ERBB4: variants seen among roughly 807,000 people sequenced by gnomAD.
ERBB4 encodes the protein erb-b2 receptor tyrosine kinase 4.
In ERBB4, 42 loss-of-function variants were observed where a neutral mutation model predicts 158.0. The observed-to-expected ratio is 0.27, with a 90% CI of 0.21 to 0.34. The LOEUF is 0.34. Among genes scored for constraint, ERBB4 ranks in the 10% least tolerant of loss-of-function variants. The pLI, the probability that ERBB4 is intolerant of heterozygous loss-of-function variation, is 1.00. For synonymous variants in ERBB4, 583 were observed against 558.7 expected (o/e 1.04, Z -0.61); for missense variants, 1,333 against 1,624.1 (o/e 0.82, Z 3.08).
intron 3 of ERBB4, among the ~76,000 whole-genome samples, chr2:211,804,437 G>T (rs943683405): frequency 6.6e-6 from 1 of 152,086 alleles, no homozygotes; most frequent in African/African-American, 2.4e-5. Flanking sequence ...TCTTCTACTT[G>T]TTCTTTGGAA....
chr2:211,406,477 A>G (rs2063150184), intron 25 of ERBB4, among the ~76,000 whole-genome samples: 2 of 152,216 alleles, frequency 1.3e-5, no homozygotes, highest in Non-Finnish European at 2.9e-5. Context: ...ATTAACATTT[A>G]TGAGGAATCT....
chr2:211,387,031 A>C lies in ERBB4; in HGVS notation c.3303T>G (p.Ile1101Met), dbSNP rs764593744. 6.2e-7 allele frequency: 1 copy of C among 1,614,046 alleles called. No individual in the cohort carries two copies. The highest frequency in any genetic ancestry group is 8.5e-7 in the Non-Finnish European group (1 of 1,179,992). ...TGCCATTACAGCAGGAGTCATCAAAAATCTCAGCAGTAGCACCCTGTGCCA... is the reference window on the plus strand; with the variant it reads ...TGCCATTACAGCAGGAGTCATCAAACATCTCAGCAGTAGCACCCTGTGCCA... ...APVAQGATAEIFDDSCCNGTL... is the reference protein window; with the variant it reads ...APVAQGATAEMFDDSCCNGTL... The change falls in exon 27 of 28, where the codon ATT becomes ATG. Residue 1101 changes from isoleucine to methionine, a missense_variant. Transcript: ENST00000342788.
intron 2 of ERBB4, among the ~76,000 whole-genome samples, chr2:212,015,041 AATATATATATATATATAT>A (rs58361195): frequency 1.1e-4 from 1 of 9,202 alleles, no homozygotes; most frequent in African/African-American, 2.2e-4. Flanking sequence ...AAAAAAAAAA[AATATATATATATATATAT>A]ATATATATAT....
intron 4 of ERBB4, among the ~76,000 whole-genome samples, chr2:211,754,992 C>T (rs1559489174): frequency 6.6e-6 from 1 of 152,098 alleles, no homozygotes; most frequent in Admixed American, 6.5e-5. Context: ...TGAGCCACTG[C>T]GCCCGGCCTG....
rs1170554581 is a variant in ERBB4 at position 212,399,567 on chromosome 2, TATATATATATATATATATTG to T, written c.82+138862_82+138881del. On this transcript the variant is annotated intron_variant, in intron 1 of 27. Coordinates refer to ENST00000342788, the MANE Select transcript of ERBB4 (RefSeq NM_005235.3). Reference sequence around the variant, plus strand: ...ATACATATATATATATATATATATATATATATATATATATATATTGGGCGTGGTGTCTTATGCCTGTAATC... The same window carrying T: ...ATACATATATATATATATATATATATGGCGTGGTGTCTTATGCCTGTAATC... 4.7e-3 allele frequency among the ~76,000 whole-genome samples: 126 copies of T among 26,758 alleles called. 4 individuals carry two copies. The highest frequency in any genetic ancestry group is 0.042 in the African/African-American group (119 of 2,860). The allele number at this position is 26,758 out of a possible 152,430, so 17.6% of individuals were successfully genotyped here. A position where few individuals can be genotyped will look rare whatever the true frequency, so the allele number is the denominator to read the frequency against.
intron 3 of ERBB4, among the ~76,000 whole-genome samples, chr2:211,871,507 T>TA (rs547311934): frequency 4.3e-3 from 606 of 139,734 alleles, no homozygotes; most frequent in Admixed American, 5.6e-3. Context: ...GCTTTGGCAT[T>TA]AAAAAAAAAA....
intron 16 of ERBB4, among the ~76,000 whole-genome samples, chr2:211,647,543 C>T (rs1408281786): frequency 6.6e-6 from 1 of 151,500 alleles, no homozygotes; most frequent in African/African-American, 2.4e-5. Context: ...TTAATGTTAC[C>T]CCCATCCATC....
chr2:212,429,506 C>T (rs1165945804), intron 1 of ERBB4, among the ~76,000 whole-genome samples: 1 of 152,116 alleles, frequency 6.6e-6, no homozygotes, highest in African/African-American at 2.4e-5. Flanking sequence ...AACTAAGAAT[C>T]CCCCTCTAAA....
At chr2:212,290,322 T>C (rs1483164172) in intron 1 of ERBB4, among the ~76,000 whole-genome samples, 3 of 152,170 alleles carry the variant, frequency 2.0e-5, no homozygotes, top group Non-Finnish European at 1.5e-5. Context: ...CGTGTACAGA[T>C]ATATATGTAT....
intron 2 of ERBB4, among the ~76,000 whole-genome samples, chr2:212,007,412 C>T (rs2076284325): frequency 2.0e-5 from 3 of 151,670 alleles, no homozygotes; most frequent in Non-Finnish European, 4.4e-5. Flanking sequence ...CTATATAATG[C>T]CCGTTATTAT....
intron 3 of ERBB4, among the ~76,000 whole-genome samples, chr2:211,856,799 A>G (rs1033451355): frequency 1.3e-5 from 2 of 152,110 alleles, no homozygotes; most frequent in Non-Finnish European, 2.9e-5. Context: ...ATTTGATACA[A>G]CTATTATTAA....
chr2:211,892,520 C>T (rs932877945), intron 3 of ERBB4, among the ~76,000 whole-genome samples: 1 of 139,886 alleles, frequency 7.1e-6, no homozygotes, highest in Non-Finnish European at 1.5e-5. Flanking sequence ...CCCTCTCTCA[C>T]CACTCCAATT....
chr2:211,707,333 C>T (rs1387550460), intron 9 of ERBB4, among the ~76,000 whole-genome samples: 1 of 152,132 alleles, frequency 6.6e-6, no homozygotes, highest in Non-Finnish European at 1.5e-5. Context: ...ATCCTATAGC[C>T]ACTCGAAATA....
intron 3 of ERBB4, among the ~76,000 whole-genome samples, chr2:211,834,263 A>G (rs2077288657): frequency 6.6e-6 from 1 of 152,242 alleles, no homozygotes; most frequent in Middle Eastern, 3.4e-3. Flanking sequence ...CTGAAGCAAA[A>G]CTGGAGGCAG....
At chr2:212,345,313 C>A (rs1227229434) in intron 1 of ERBB4, among the ~76,000 whole-genome samples, 1 of 144,240 alleles carries the variant, frequency 6.9e-6, no homozygotes, top group African/African-American at 2.6e-5. Flanking sequence ...AGTGAGTCAT[C>A]AAATTTAGCT....
intron 2 of ERBB4, among the ~76,000 whole-genome samples, chr2:212,042,654 T>C (rs2077168653): frequency 1.3e-5 from 2 of 152,116 alleles, no homozygotes; most frequent in South Asian, 4.1e-4. Flanking sequence ...TTTGTGGTTT[T>C]AGTATGCTTT....
intron 2 of ERBB4, among the ~76,000 whole-genome samples, chr2:212,039,067 A>G (rs1300462699): frequency 1.3e-5 from 2 of 152,090 alleles, no homozygotes; most frequent in Non-Finnish European, 2.9e-5. Flanking sequence ...CCAATGAAAT[A>G]AAAATTTATT....
At chr2:211,650,447 G>A (rs1317564254) in intron 16 of ERBB4, among the ~76,000 whole-genome samples, 1 of 152,008 alleles carries the variant, frequency 6.6e-6, no homozygotes, top group Non-Finnish European at 1.5e-5. Flanking sequence ...TCCTATAGAA[G>A]TTTATAAGAT....
chr2:212,373,900 T>C (rs985210111), intron 1 of ERBB4, among the ~76,000 whole-genome samples: 1 of 122,064 alleles, frequency 8.2e-6, no homozygotes, highest in Non-Finnish European at 1.7e-5. Context: ...CATATATATA[T>C]ATCCATGTAT....
Sources: gnomAD v4.1 joint callset for allele counts (sites outside exome capture counted in the v4.1 genomes callset) on GRCh38, gnomAD v4.1.1 for gene constraint, MANE v1.5 for transcripts, NCBI Gene and HGNC (gene_info 2026-07-23, HGNC 2026-07-21) for gene names.